The following FER variants were observed in gnomAD, a reference collection of about 807,000 sequenced individuals.
FER encodes FER tyrosine kinase, also known as tyrosine-protein kinase Fer.
In FER, 63 loss-of-function variants were observed where a neutral mutation model predicts 111.0. The observed-to-expected ratio is 0.57, with a 90% CI of 0.46 to 0.70. FER has a LOEUF of 0.70. Ranked by LOEUF, FER falls within the 30% of genes least tolerant of loss-of-function variation. The pLI, the probability that FER is intolerant of heterozygous loss-of-function variation, is 0.00. For missense variants in FER, 914 were observed against 954.0 expected, an observed-to-expected ratio of 0.96 and a Z score of 0.55; for synonymous variants, 327 against 313.9, an observed-to-expected ratio of 1.04 and a Z score of -0.44.
At chr5:108,992,554 C>A (rs1455321059) in intron 13 of FER, among the ~76,000 whole-genome samples, 2 of 150,836 alleles carry the variant, frequency 1.3e-5, no homozygotes, top group Non-Finnish European at 3.0e-5. Context: ...GGCAGAGGGG[C>A]TCCTCACTTC....
At chr5:108,967,759 C>CAAAAAAAAA (rs774855414) in intron 13 of FER, among the ~76,000 whole-genome samples, 8 of 34,452 alleles carry the variant, frequency 2.3e-4, no homozygotes, top group East Asian at 9.1e-4. Context: ...GACTCCGTCT[C>CAAAAAAAAA]AAAAAAAAAA....
intron 18 of FER, among the ~76,000 whole-genome samples, chr5:109,183,469 G>A (rs1353920602): frequency 2.0e-5 from 3 of 152,070 alleles, no homozygotes; most frequent in Non-Finnish European, 4.4e-5. Flanking sequence ...GGCTGGTCTC[G>A]AACTCCTGAC....
intron 2 of FER, among the ~76,000 whole-genome samples, chr5:108,783,300 C>G (rs1754307252): frequency 1.3e-5 from 2 of 152,164 alleles, no homozygotes; most frequent in African/African-American, 4.8e-5. Context: ...TAATTTTCAT[C>G]TGGTTATTTT....
intron 10 of FER, among the ~76,000 whole-genome samples, chr5:108,925,656 C>T (rs1753634551): frequency 6.6e-6 from 1 of 151,830 alleles, no homozygotes; most frequent in South Asian, 2.1e-4. Context: ...ATTGTCAATG[C>T]CAAAAAAGTT....
chr5:108,947,859 A>G (rs1398258032), intron 11 of FER, among the ~76,000 whole-genome samples: 1 of 151,626 alleles, frequency 6.6e-6, no homozygotes, highest in Non-Finnish European at 1.5e-5. Flanking sequence ...GGAGTGAGGT[A>G]CAGGTTCAAA....
chr5:109,165,397 C>A (rs1756423776), intron 17 of FER, among the ~76,000 whole-genome samples: 2 of 152,050 alleles, frequency 1.3e-5, no homozygotes, highest in African/African-American at 4.8e-5. Context: ...TAGTAGAATC[C>A]TCGGAGTATG....
At chr5:108,853,015 CTT>C (rs1762676207) in intron 5 of FER, among the ~76,000 whole-genome samples, 1 of 152,056 alleles carries the variant, frequency 6.6e-6, no homozygotes, top group Non-Finnish European at 1.5e-5. Flanking sequence ...ACATGAAAAA[CTT>C]AAGAGAAGTT....
At chr5:108,930,052 C>T (rs764046798) in intron 10 of FER, among the ~76,000 whole-genome samples, 59 of 152,082 alleles carry the variant, frequency 3.9e-4, no homozygotes, top group Non-Finnish European at 6.8e-4. Context: ...TGTACCTTTA[C>T]ACCCTCAAGA....
chr5:109,024,189 G>A (rs1254590283), intron 13 of FER, among the ~76,000 whole-genome samples: 2 of 152,136 alleles, frequency 1.3e-5, no homozygotes, highest in African/African-American at 4.8e-5. Flanking sequence ...TTTCTGCAGT[G>A]CTGTAGATCA....
intron 17 of FER, among the ~76,000 whole-genome samples, chr5:109,151,441 C>T (rs1387186008): frequency 1.3e-5 from 2 of 152,020 alleles, no homozygotes; most frequent in Admixed American, 6.6e-5. Context: ...ACATCTTTCA[C>T]CCAAGGTAAA....
chr5:108,879,699 A>ATATATATATATATATATATATATATAT lies in FER; in HGVS notation c.924-3697_924-3696insTATATATATATATATATATATATATAT, dbSNP rs1165401708. On this transcript the variant is annotated intron_variant, in intron 8 of 19. Coordinates refer to ENST00000281092, the MANE Select transcript of FER (RefSeq NM_005246.4). Reference sequence around the variant, plus strand: ...ATATGTATTTTTTTTAGATTAAAAAAAAATATATATATATATATATATATA... The same window carrying ATATATATATATATATATATATATATAT: ...ATATGTATTTTTTTTAGATTAAAAAATATATATATATATATATATATATATATAAATATATATATATATATATATATA... 1.6e-3 allele frequency among the ~76,000 whole-genome samples: 149 copies of ATATATATATATATATATATATATATAT among 93,258 alleles called. 2 individuals carry two copies. The highest frequency in any genetic ancestry group is 3.8e-3 in the African/African-American group (64 of 16,896). 61.2% of individuals were successfully genotyped at this position (93,258 alleles called of 152,430 possible). A position where few individuals can be genotyped will look rare whatever the true frequency, so the allele number is the denominator to read the frequency against.
chr5:108,916,540 T>C (rs1190211679), intron 10 of FER, among the ~76,000 whole-genome samples: 1 of 152,166 alleles, frequency 6.6e-6, no homozygotes, highest in African/African-American at 2.4e-5. Flanking sequence ...GTTATATATA[T>C]AGTTACTTCA....
chr5:108,943,707 T>C (rs79554641), intron 10 of FER, among the ~76,000 whole-genome samples: 1 of 152,044 alleles, frequency 6.6e-6, no homozygotes, highest in African/African-American at 2.4e-5. Context: ...GGTATTTTTT[T>C]AATAGAGTTT....
intron 6 of FER, among the ~76,000 whole-genome samples, chr5:108,868,904 A>G (rs1228592469): frequency 1.3e-5 from 2 of 152,066 alleles, no homozygotes; most frequent in East Asian, 3.8e-4. Context: ...TATTATGAGC[A>G]TTTTTCAGGT....
intron 13 of FER, among the ~76,000 whole-genome samples, chr5:109,005,582 T>C (rs992538239): frequency 1.3e-5 from 2 of 152,222 alleles, no homozygotes; most frequent in East Asian, 1.9e-4. Flanking sequence ...ATTTAAATTC[T>C]AGTAAATATA....
At chr5:108,923,036 C>T (rs966674888) in intron 10 of FER, among the ~76,000 whole-genome samples, 12 of 152,026 alleles carry the variant, frequency 7.9e-5, no homozygotes, top group African/African-American at 2.2e-4. Context: ...ACTTTCTGTA[C>T]CTCAGTTTTC....
In FER at chr5:109,188,221, G is replaced by T. The variant is rs927868829; in HGVS notation, c.*646G>T. 2 of 146,450 alleles carry T rather than the reference G, an allele frequency of 1.4e-5. No individual in the cohort carries two copies. The highest frequency in any genetic ancestry group is 5.0e-5 in the African/African-American group (2 of 40,286). The allele number at this position is 146,450 out of a possible 1,614,324, so 9.1% of individuals were successfully genotyped here. A position where few individuals can be genotyped will look rare whatever the true frequency, so the allele number is the denominator to read the frequency against. Reference sequence around the variant, plus strand: ...AAAACAATGCACGTAGGTCGGGCACGGTGGCTCACGCCTGTAATCCCAGGC... The same window carrying T: ...AAAACAATGCACGTAGGTCGGGCACTGTGGCTCACGCCTGTAATCCCAGGC... On this transcript the variant is annotated 3_prime_UTR_variant, in exon 20 of 20. Transcript: ENST00000281092.
At chr5:108,957,321 G>T (rs1758554603) in intron 12 of FER, among the ~76,000 whole-genome samples, 1 of 151,462 alleles carries the variant, frequency 6.6e-6, no homozygotes. Flanking sequence ...CCAAAAAGTT[G>T]TACAAATGGC....
chr5:108,917,442 A>G (rs752079973), intron 10 of FER, among the ~76,000 whole-genome samples: 1 of 152,144 alleles, frequency 6.6e-6, no homozygotes, highest in Non-Finnish European at 1.5e-5. Flanking sequence ...CCACAGGAAT[A>G]TGAAAGTCTA....
Sources: gnomAD v4.1 joint callset for allele counts (sites outside exome capture counted in the v4.1 genomes callset) on GRCh38, gnomAD v4.1.1 for gene constraint, MANE v1.5 for transcripts, NCBI Gene and HGNC (gene_info 2026-07-23, HGNC 2026-07-21) for gene names.